AHSA1: variants seen among roughly 807,000 people sequenced by gnomAD.
AHSA1 encodes the protein activator of HSP90 ATPase activity 1.
Under a neutral mutation model 46.1 loss-of-function variants are expected in AHSA1, and 14 were observed. The ratio of observed to expected loss-of-function variants is 0.30; its 90% CI spans 0.20 to 0.47. AHSA1 has a LOEUF of 0.47. Among genes scored for constraint, AHSA1 ranks in the 20% least tolerant of loss-of-function variants. The pLI is 0.99. For synonymous variants in AHSA1, 147 were observed against 145.8 expected (o/e 1.01, Z -0.06); for missense variants, 333 against 415.9 (o/e 0.80, Z 1.73).
intron 4 of AHSA1, chr14:77,463,058 T>C (rs2079032579): frequency 4.0e-6 from 1 of 249,410 alleles, no homozygotes; most frequent in South Asian, 5.7e-5. Context: ...GGTGGGCTGA[T>C]TGCCTGAGCT....
At chr14:77,468,739 T>TTTTAC (rs1288906362) in intron 8 of AHSA1, 2 of 476,062 alleles carry the variant, frequency 4.2e-6, no homozygotes, top group African/African-American at 2.1e-5. Flanking sequence ...TTTTTTTTTT[T>TTTTAC]TTTTTTACTT....
chr14:77,465,515 T>G, intron 5 of AHSA1, 24 bp from the exon 6 acceptor site: 1 of 1,612,182 alleles, frequency 6.2e-7, no homozygotes, highest in Non-Finnish European at 8.5e-7. Flanking sequence ...TCTGTATTGA[T>G]CATTTTCACT....
In AHSA1 at chr14:77,465,498, T is replaced by G. The variant is rs776704489; in HGVS notation, c.562-41T>G. The G allele has an allele frequency of 1.9e-6, 3 of 1,604,844 alleles. No homozygotes were observed. The South Asian group carries it at 3.3e-5, about 18-fold the overall frequency. On this transcript the variant is annotated intron_variant, in intron 5 of 8. Coordinates refer to ENST00000216479, the MANE Select transcript of AHSA1 (RefSeq NM_012111.3). ...TGAAGCCACGTTGATTGAGGTTGTA[T>G]CATTACTCTGTATTGATCATTTTCA...
At chr14:77,459,343 A>C (rs990777084) in intron 1 of AHSA1, among the ~76,000 whole-genome samples, 1 of 152,224 alleles carries the variant, frequency 6.6e-6, no homozygotes, top group Non-Finnish European at 1.5e-5. Context: ...TAAAGTATCA[A>C]GTATTCCCCC....
intron 2 of AHSA1, among the ~76,000 whole-genome samples, chr14:77,461,268 C>T (rs555513570): frequency 2.3e-4 from 35 of 152,262 alleles, no homozygotes; most frequent in African/African-American, 5.1e-4. Context: ...CGGCGGCTCA[C>T]GCCTGTAATC....
chr14:77,457,946 G>A, upstream of AHSA1: 1 of 515,270 alleles, frequency 1.9e-6, no homozygotes, highest in Non-Finnish European at 3.4e-6. Context: ...AGAACCCGAT[G>A]GAGTCTGAAG....
intron 2 of AHSA1, 88 bp downstream of exon 2, chr14:77,459,894 G>C: frequency 6.9e-7 from 1 of 1,439,994 alleles, no homozygotes; most frequent in Non-Finnish European, 9.8e-7. Flanking sequence ...AGGAGTTACA[G>C]ACCTTGAAGG....
At chr14:77,460,862 G>T (rs7149199) in intron 2 of AHSA1, among the ~76,000 whole-genome samples, 2 of 151,856 alleles carry the variant, frequency 1.3e-5, no homozygotes, top group African/African-American at 4.8e-5. Flanking sequence ...TAAATGGTAA[G>T]AAATAGATAA....
intron 5 of AHSA1, 87 bp downstream of exon 5, chr14:77,464,773 C>G (rs573582897): frequency 7.4e-6 from 9 of 1,217,614 alleles, no homozygotes; most frequent in South Asian, 5.6e-5. Flanking sequence ...TCTCTGTGTC[C>G]CTAACCTCTA....
chr14:77,461,091 G>A (rs928715483), intron 2 of AHSA1, among the ~76,000 whole-genome samples: 6 of 152,132 alleles, frequency 3.9e-5, no homozygotes, highest in East Asian at 1.9e-4. Context: ...CCCAGGAGGC[G>A]GAGGTTGCAG....
intron 1 of AHSA1, among the ~76,000 whole-genome samples, chr14:77,459,160 T>C (rs1318504245): frequency 6.6e-6 from 1 of 152,212 alleles, no homozygotes; most frequent in African/African-American, 2.4e-5. Context: ...GTAGGAAGTT[T>C]ATAATGCAAG....
Position 77,469,423 on chromosome 14 carries a change from A to G in AHSA1, c.*174A>G. On this transcript the variant is annotated 3_prime_UTR_variant, in exon 9 of 9. Coordinates refer to ENST00000216479, the MANE Select transcript of AHSA1 (RefSeq NM_012111.3). ...TTTCTGCTGGGTGGGTTCAGAGGGC[A>G]ATTTCTCTTTTATGTGTACATATGC... is the stretch of plus-strand genomic sequence containing the variant. 1 of 644,258 alleles carries G rather than the reference A, an allele frequency of 1.6e-6. No homozygotes were observed. The highest frequency in any genetic ancestry group is 2.0e-5 in the South Asian group (1 of 48,954). 39.9% of individuals were successfully genotyped at this position (644,258 alleles called of 1,614,324 possible). A position where few individuals can be genotyped will look rare whatever the true frequency, so the allele number is the denominator to read the frequency against.
intron 6 of AHSA1, among the ~76,000 whole-genome samples, chr14:77,467,844 A>G (rs1455525131): frequency 1.3e-5 from 2 of 152,234 alleles, no homozygotes; most frequent in Non-Finnish European, 2.9e-5. Context: ...TACAATTTCA[A>G]ATAAATAAAA....
At chr14:77,464,502 C>A in intron 4 of AHSA1, 96 bp from the exon 5 acceptor site, 1 of 1,065,224 alleles carries the variant, frequency 9.4e-7, no homozygotes, top group Non-Finnish European at 1.4e-6. Context: ...TAACCTCATT[C>A]TGTGGTAGGA....
chr14:77,458,068 C>A, upstream of AHSA1: 2 of 807,482 alleles, frequency 2.5e-6, no homozygotes, highest in Non-Finnish European at 3.7e-6. Context: ...GAAAAGCAAG[C>A]CAGGAGGTGC....
chr14:77,462,784 C>T (rs1451324303), intron 4 of AHSA1, 25 bp downstream of exon 4: 5 of 1,587,066 alleles, frequency 3.2e-6, no homozygotes, highest in Non-Finnish European at 4.3e-6. Context: ...GTTCTGTATG[C>T]CTTAAGGAGG....
intron 2 of AHSA1, 200 bp downstream of exon 2, chr14:77,460,006 G>A (rs891832367): frequency 1.6e-6 from 1 of 617,250 alleles, no homozygotes; most frequent in Non-Finnish European, 2.8e-6. Context: ...CTGTGTCTGG[G>A]TCTCATAAGT....
chr14:77,461,340 C>T (rs2079023466), intron 2 of AHSA1, among the ~76,000 whole-genome samples: 1 of 151,976 alleles, frequency 6.6e-6, no homozygotes, highest in African/African-American at 2.4e-5. Flanking sequence ...ACACACCTGG[C>T]CAACATGGTG....
At chr14:77,463,100 C>A in intron 4 of AHSA1, 1 of 223,338 alleles carries the variant, frequency 4.5e-6, no homozygotes, top group East Asian at 9.8e-5. Flanking sequence ...GGCAACATGG[C>A]GAAACCCTGT....
Sources: allele counts gnomAD v4.1 joint callset (sites outside exome capture counted in the v4.1 genomes callset), GRCh38; gene constraint gnomAD v4.1.1; transcripts MANE v1.5; gene names NCBI Gene and HGNC (gene_info 2026-07-23, HGNC 2026-07-21).